DLGAP2: variants seen among roughly 807,000 people sequenced by gnomAD.
DLGAP2 encodes the protein disks large-associated protein 2.
In DLGAP2, 26 loss-of-function variants were observed where a neutral mutation model predicts 100.3. The observed-to-expected ratio is 0.26, with a 90% CI of 0.19 to 0.36. The LOEUF is 0.36. Among genes scored for constraint, DLGAP2 ranks in the 10% least tolerant of loss-of-function variants. The pLI is 1.00. For synonymous variants in DLGAP2, 886 were observed against 630.1 expected (o/e 1.41, Z -6.08); for missense variants, 1,858 against 1,453.2 (o/e 1.28, Z -4.53).
intron 3 of DLGAP2, among the ~76,000 whole-genome samples, chr8:1,365,026 A>G (rs1265468884): frequency 6.6e-6 from 1 of 152,212 alleles, no homozygotes; most frequent in Non-Finnish European, 1.5e-5. Context: ...ACGCACAGCT[A>G]GGAAGAGCCT....
chr8:1,605,160 G>A (rs756300582), intron 6 of DLGAP2, among the ~76,000 whole-genome samples: 7 of 152,144 alleles, frequency 4.6e-5, no homozygotes, highest in Non-Finnish European at 7.3e-5. Flanking sequence ...AACAGTGGGT[G>A]AGCAACATCC....
chr8:1,610,323 A>C (rs1288590741), intron 6 of DLGAP2, among the ~76,000 whole-genome samples: 1 of 151,970 alleles, frequency 6.6e-6, no homozygotes. Context: ...AGAAATAAAG[A>C]TGTTCTTTGA....
intron 12 of DLGAP2, among the ~76,000 whole-genome samples, chr8:1,684,736 T>TTAAG (rs1454873476): frequency 6.6e-6 from 1 of 151,992 alleles, no homozygotes; most frequent in East Asian, 1.9e-4. Flanking sequence ...GATTTTTGTA[T>TTAAG]TATGTCAAAC....
At chr8:1,437,334 C>T (rs1797672093) in intron 3 of DLGAP2, among the ~76,000 whole-genome samples, 2 of 152,252 alleles carry the variant, frequency 1.3e-5, no homozygotes, top group South Asian at 2.1e-4. Context: ...CTCCACAATG[C>T]TCACACAACC....
chr8:1,599,381 G>T (rs563281006), intron 6 of DLGAP2, among the ~76,000 whole-genome samples: 2 of 152,140 alleles, frequency 1.3e-5, no homozygotes, highest in African/African-American at 2.4e-5. Flanking sequence ...AATTGGGTCT[G>T]CTTGGTCCAG....
intron 10 of DLGAP2, among the ~76,000 whole-genome samples, chr8:1,674,281 G>A (rs950710080): frequency 6.6e-6 from 1 of 152,194 alleles, no homozygotes; most frequent in Non-Finnish European, 1.5e-5. Flanking sequence ...CTAGGCTCAA[G>A]TGATCCTCCT....
chr8:1,521,162 G>T (rs1800583337), intron 4 of DLGAP2, among the ~76,000 whole-genome samples: 1 of 146,384 alleles, frequency 6.8e-6, no homozygotes, highest in Non-Finnish European at 1.5e-5. Context: ...GGCGGCAGGT[G>T]ATATGGGGCA....
intron 3 of DLGAP2, among the ~76,000 whole-genome samples, chr8:1,412,313 T>C (rs972824622): frequency 1.3e-5 from 2 of 152,200 alleles, no homozygotes; most frequent in Admixed American, 6.5e-5. Flanking sequence ...CTTCTGAGGC[T>C]CCATTCTCTC....
chr8:1,080,651 T>C (rs1803776796), intron 2 of DLGAP2, among the ~76,000 whole-genome samples: 1 of 152,208 alleles, frequency 6.6e-6, no homozygotes, highest in African/African-American at 2.4e-5. Context: ...CGCTCTGTCC[T>C]TCGTGCTGAA....
chr8:820,341 G>C (rs1295592913), intron 1 of DLGAP2, among the ~76,000 whole-genome samples: 1 of 152,184 alleles, frequency 6.6e-6, no homozygotes, highest in Non-Finnish European at 1.5e-5. Context: ...GGAACTGATA[G>C]ATTTGGACAC....
intron 10 of DLGAP2, 23 bp from the exon 11 acceptor site, chr8:1,676,510 T>C: frequency 1.9e-6 from 3 of 1,607,198 alleles, no homozygotes; most frequent in Non-Finnish European, 2.5e-6. Flanking sequence ...AGTTCTAAAA[T>C]AAGACGTTCT....
At chr8:1,032,279 C>T (rs1048258881) in intron 2 of DLGAP2, among the ~76,000 whole-genome samples, 6 of 152,302 alleles carry the variant, frequency 3.9e-5, no homozygotes, top group Non-Finnish European at 5.9e-5. Context: ...AGGCAGTGGG[C>T]GGCCGGCGGG....
At chr8:805,519 C>T (rs965349437) in intron 1 of DLGAP2, among the ~76,000 whole-genome samples, 7 of 152,214 alleles carry the variant, frequency 4.6e-5, no homozygotes, top group African/African-American at 9.7e-5. Flanking sequence ...AGCTCGCAAT[C>T]GGGTTGCATT....
intron 1 of DLGAP2, among the ~76,000 whole-genome samples, chr8:746,786 G>A (rs533824361): frequency 1.3e-5 from 2 of 152,166 alleles, no homozygotes; most frequent in African/African-American, 2.4e-5. Flanking sequence ...ACCACAGCCG[G>A]GCATCCTCAG....
At chr8:1,572,527 G>T (rs1802768966) in intron 6 of DLGAP2, among the ~76,000 whole-genome samples, 1 of 133,802 alleles carries the variant, frequency 7.5e-6, no homozygotes, top group African/African-American at 2.8e-5. Flanking sequence ...GAGGAGAGAG[G>T]GTGAACTGTG....
At chr8:1,003,085 G>A (rs1223799632) in intron 2 of DLGAP2, 2 of 152,356 alleles carry the variant, frequency 1.3e-5, no homozygotes, top group Non-Finnish European at 2.9e-5. Context: ...TCTACCCCCT[G>A]CTCCATCCCA....
At chr8:904,057 T>C (rs1798323664) in intron 1 of DLGAP2, among the ~76,000 whole-genome samples, 1 of 152,148 alleles carries the variant, frequency 6.6e-6, no homozygotes, top group Non-Finnish European at 1.5e-5. Context: ...TGGTGGGGTG[T>C]CGGGAACCCT....
chr8:1,476,772 G>T (rs1384157930), intron 3 of DLGAP2, among the ~76,000 whole-genome samples: 1 of 147,030 alleles, frequency 6.8e-6, no homozygotes, highest in South Asian at 2.2e-4. Flanking sequence ...GAGTGCTGTC[G>T]GCCACCCACC....
At chr8:904,232 A>G (rs1268620523) in intron 1 of DLGAP2, among the ~76,000 whole-genome samples, 3 of 152,154 alleles carry the variant, frequency 2.0e-5, no homozygotes, top group Non-Finnish European at 4.4e-5. Context: ...TTAAAATTAC[A>G]TTGCTGGCCA....
Sources: gnomAD v4.1 joint callset for allele counts (sites outside exome capture counted in the v4.1 genomes callset) on GRCh38, gnomAD v4.1.1 for gene constraint, MANE v1.5 for transcripts, NCBI Gene and HGNC (gene_info 2026-07-23, HGNC 2026-07-21) for gene names.